MTA3: variants seen among roughly 807,000 people sequenced by gnomAD.
MTA3 encodes metastasis associated 1 family member 3, also known as metastasis-associated protein MTA3.
MTA3 carries 34 observed loss-of-function variants against 83.5 expected under a neutral mutation model. The observed-to-expected ratio is 0.41, with a 90% confidence interval of 0.31 to 0.54. The LOEUF is 0.54. Ranked by LOEUF, MTA3 falls within the 20% of genes least tolerant of loss-of-function variation. The pLI is 0.33. For synonymous variants in MTA3, 303 were observed against 252.7 expected, an observed-to-expected ratio of 1.20 and a Z score of -1.89; for missense variants, 761 against 726.4, an observed-to-expected ratio of 1.05 and a Z score of -0.55.
At chr2:42,626,621 C>G (rs1188754985) in intron 4 of MTA3, among the ~76,000 whole-genome samples, 1 of 149,598 alleles carries the variant, frequency 6.7e-6, no homozygotes, top group African/African-American at 2.4e-5. Context: ...TATGGGCTGA[C>G]TTTGTCTTCA....
chr2:42,638,751 T>A (rs1338737611), intron 4 of MTA3, among the ~76,000 whole-genome samples: 2 of 151,694 alleles, frequency 1.3e-5, no homozygotes, highest in African/African-American at 4.8e-5. Context: ...TAAAATATGT[T>A]AGAAAAAAAG....
chr2:42,735,811 T>G (rs374039506), intron 16 of MTA3, among the ~76,000 whole-genome samples: 112 of 152,346 alleles, frequency 7.4e-4, no homozygotes, highest in African/African-American at 2.5e-3. Context: ...TTGGGTCTTT[T>G]AAATTATTTC....
Position 42,722,902 on chromosome 2 carries a change from A to C in MTA3, c.1626A>C (p.Ala542=). Reference sequence around the variant, plus strand: ...TTCCCCCATCAGAGATCCATCCTGCAAAGAAACCTAATGTAATTCGATCTA... The same window carrying C: ...TTCCCCCATCAGAGATCCATCCTGCCAAGAAACCTAATGTAATTCGATCTA... ...CIIGYLEIHP[A]KKPNVIRSTP... is the part of the protein sequence containing the mutation. The change falls in exon 16 of 17, where the codon GCA becomes GCC. Residue 542 remains alanine, a synonymous_variant. Transcript: ENST00000405094. 6.5e-7 allele frequency: 1 copy of C among 1,547,082 alleles called. No individual in the cohort carries two copies. Among genetic ancestry groups the C allele is most frequent in the Non-Finnish European group, 8.7e-7 (1 of 1,144,814 alleles).
intron 16 of MTA3, among the ~76,000 whole-genome samples, chr2:42,752,928 C>CTT (rs369993784): frequency 3.6e-5 from 5 of 139,910 alleles, no homozygotes; most frequent in Non-Finnish European, 6.1e-5. Context: ...CATTGTGAGC[C>CTT]CTTTTTTTTT....
At chr2:42,531,291 C>T (rs557886539) in intron 2 of MTA3, among the ~76,000 whole-genome samples, 4 of 152,184 alleles carry the variant, frequency 2.6e-5, no homozygotes, top group African/African-American at 9.6e-5. Flanking sequence ...TATTGCCAGA[C>T]AATGGCCTAA....
intron 16 of MTA3, among the ~76,000 whole-genome samples, chr2:42,741,340 A>G (rs1473460053): frequency 6.6e-6 from 1 of 152,144 alleles, no homozygotes; most frequent in African/African-American, 2.4e-5. Flanking sequence ...CGTATCATTC[A>G]TATGTTCACT....
chr2:42,736,137 C>T (rs1668594193), intron 16 of MTA3, among the ~76,000 whole-genome samples: 1 of 152,304 alleles, frequency 6.6e-6, no homozygotes, highest in South Asian at 2.1e-4. Flanking sequence ...AGTCTTTGTT[C>T]ACTGCAGCCA....
At chr2:42,628,092 C>A (rs1024663774) in intron 4 of MTA3, among the ~76,000 whole-genome samples, 1 of 151,924 alleles carries the variant, frequency 6.6e-6, no homozygotes, top group Admixed American at 6.6e-5. Context: ...CCATGTTGGC[C>A]AGGCTGGTCT....
chr2:42,691,942 C>G (rs1425351240), intron 9 of MTA3, among the ~76,000 whole-genome samples: 1 of 152,102 alleles, frequency 6.6e-6, no homozygotes, highest in Non-Finnish European at 1.5e-5. Context: ...TTTTGAGGTT[C>G]TTTCTTTATC....
chr2:42,571,013 AAAAAAAATAAAAAT>A (rs1433345546), intron 2 of MTA3, among the ~76,000 whole-genome samples: 1 of 151,970 alleles, frequency 6.6e-6, no homozygotes. Context: ...CTCCGTCTCA[AAAAAAAATAAAAAT>A]AAAAAAATAA....
chr2:42,569,923 G>C (rs908475299), intron 1 of MTA3: 1 of 150,908 alleles, frequency 6.6e-6, no homozygotes, highest in Non-Finnish European at 1.5e-5. Flanking sequence ...GTTTGTCAGC[G>C]TTCTTCCTCT....
Position 42,756,067 on chromosome 2 carries a change from A to G in MTA3, c.*2668A>G, listed in dbSNP as rs142324919. ...GGGGTTTTCATCCAGAGATTTGTTT[A>G]ACACAAAACAAGAAAAGCTGAGAGG... On this transcript the variant is annotated 3_prime_UTR_variant, in exon 17 of 17. Transcript: ENST00000405094. The G allele has an allele frequency of 5.7e-5, 55 of 969,164 alleles. No individual in the cohort carries two copies. The African/African-American group carries it at 8.8e-4, about 15-fold the overall frequency. 60.0% of individuals were successfully genotyped at this position (969,164 alleles called of 1,614,324 possible).
At chr2:42,568,425 C>CCTCCCA (rs1268528435), upstream of MTA3, 25 of 149,084 alleles carry the variant, frequency 1.7e-4, no homozygotes, top group East Asian at 6.1e-4. Flanking sequence ...CCCCACCCTC[C>CCTCCCA]CTCCCACTCC....
chr2:42,511,862 C>A (rs549587628), intron 2 of MTA3: 1 of 152,108 alleles, frequency 6.6e-6, no homozygotes, highest in Non-Finnish European at 1.5e-5. Context: ...ACTAAAAATA[C>A]AAAAATTAGC....
At chr2:42,674,407 A>C (rs1691136979) in intron 8 of MTA3, among the ~76,000 whole-genome samples, 1 of 152,218 alleles carries the variant, frequency 6.6e-6, no homozygotes, top group Admixed American at 6.5e-5. Context: ...ATCTGTTATG[A>C]ATGAGATGAA....
chr2:42,661,641 T>C (rs1573520326), intron 8 of MTA3, among the ~76,000 whole-genome samples: 1 of 152,020 alleles, frequency 6.6e-6, no homozygotes, highest in Non-Finnish European at 1.5e-5. Context: ...ATATCTGTTA[T>C]GAAAAATTAA....
At chr2:42,719,501 A>G (rs1364757846) in intron 15 of MTA3, among the ~76,000 whole-genome samples, 1 of 152,212 alleles carries the variant, frequency 6.6e-6, no homozygotes, top group Non-Finnish European at 1.5e-5. Context: ...AAACTGGTTT[A>G]TAACTTATCT....
chr2:42,634,325 A>G (rs1686981012), intron 4 of MTA3, among the ~76,000 whole-genome samples: 1 of 152,236 alleles, frequency 6.6e-6, no homozygotes, highest in South Asian at 2.1e-4. Flanking sequence ...ACTGCTATAG[A>G]ACTACCCGAG....
intron 2 of MTA3, among the ~76,000 whole-genome samples, chr2:42,551,615 T>A (rs1677112862): frequency 1.3e-5 from 2 of 152,090 alleles, no homozygotes; most frequent in South Asian, 4.1e-4. Context: ...GTAAGTACAA[T>A]ATATGGTATG....
Sources: allele counts gnomAD v4.1 joint callset (sites outside exome capture counted in the v4.1 genomes callset), GRCh38; gene constraint gnomAD v4.1.1; transcripts MANE v1.5; gene names NCBI Gene and HGNC (gene_info 2026-07-23, HGNC 2026-07-21).